SDK1: variants seen among roughly 807,000 people sequenced by gnomAD.
The protein encoded by SDK1 is protein sidekick-1.
A neutral mutation model predicts 245.5 loss-of-function variants in SDK1; 157 were observed. That is an observed-to-expected ratio of 0.64 (90% CI 0.56 to 0.73). The LOEUF (loss-of-function observed/expected upper bound fraction) is 0.73. Ranked by LOEUF, SDK1 falls within the 30% of genes least tolerant of loss-of-function variation. The pLI is 0.00. For missense variants in SDK1, 3,583 were observed against 3,002.3 expected, an observed-to-expected ratio of 1.19 and a Z score of -4.52; for synonymous variants, 1,647 against 1,278.5, an observed-to-expected ratio of 1.29 and a Z score of -6.15.
intron 4 of SDK1, among the ~76,000 whole-genome samples, chr7:3,685,357 C>G (rs917782528): frequency 2.6e-5 from 4 of 152,102 alleles, no homozygotes; most frequent in African/African-American, 9.7e-5. Flanking sequence ...AATTTTGCAT[C>G]TGGTAAAAAC....
intron 1 of SDK1, among the ~76,000 whole-genome samples, chr7:3,449,261 T>C (rs1332017467): frequency 6.6e-6 from 1 of 151,886 alleles, no homozygotes; most frequent in East Asian, 1.9e-4. Flanking sequence ...ACACTTTTAT[T>C]TTGGGCTCAT....
At chr7:3,391,894 G>C (rs565616945) in intron 1 of SDK1, among the ~76,000 whole-genome samples, 78 of 151,742 alleles carry the variant, frequency 5.1e-4, no homozygotes, top group African/African-American at 1.8e-3. Context: ...CTCCCAAAGT[G>C]ATGGGATCAC....
At chr7:4,162,366 GTTGTTA>G (rs1486633147) in intron 32 of SDK1, among the ~76,000 whole-genome samples, 151 of 109,006 alleles carry the variant, frequency 1.4e-3, no homozygotes, top group South Asian at 0.011. Context: ...GGTTGTTGTT[GTTGTTA>G]TTATTATTAT....
chr7:4,153,242 T>C (rs914439649), intron 30 of SDK1, among the ~76,000 whole-genome samples: 1 of 152,130 alleles, frequency 6.6e-6, no homozygotes, highest in Non-Finnish European at 1.5e-5. Context: ...ATTTCTTTTT[T>C]TTTTTTTTCT....
At chr7:3,403,126 G>T (rs947939715) in intron 1 of SDK1, among the ~76,000 whole-genome samples, 1 of 152,054 alleles carries the variant, frequency 6.6e-6, no homozygotes, top group Non-Finnish European at 1.5e-5. Flanking sequence ...TAGAAACAGG[G>T]TTTCTCCGTG....
intron 4 of SDK1, among the ~76,000 whole-genome samples, chr7:3,660,953 A>G (rs1783335535): frequency 6.6e-6 from 1 of 152,252 alleles, no homozygotes; most frequent in Non-Finnish European, 1.5e-5. Flanking sequence ...CAGGGTCTGT[A>G]GTTTAATGAG....
At chr7:3,919,117 A>G (rs1010621336) in intron 5 of SDK1, among the ~76,000 whole-genome samples, 15 of 152,208 alleles carry the variant, frequency 9.9e-5, no homozygotes, top group African/African-American at 2.9e-4. Flanking sequence ...CACATAATCT[A>G]TCTCAGCTGC....
At chr7:3,926,834 C>G (rs923839574) in intron 5 of SDK1, among the ~76,000 whole-genome samples, 2 of 152,232 alleles carry the variant, frequency 1.3e-5, no homozygotes, top group African/African-American at 2.4e-5. Flanking sequence ...CTGTGTGACC[C>G]AGGCCACATC....
intron 43 of SDK1, among the ~76,000 whole-genome samples, chr7:4,245,239 C>T (rs919430388): frequency 3.3e-5 from 5 of 152,180 alleles, no homozygotes; most frequent in African/African-American, 1.2e-4. Flanking sequence ...AATTCCCTCT[C>T]ATCTGTAGGA....
intron 5 of SDK1, among the ~76,000 whole-genome samples, chr7:3,828,680 A>C (rs1253821636): frequency 7.7e-6 from 1 of 129,640 alleles, no homozygotes; most frequent in African/African-American, 3.0e-5. Flanking sequence ...TTTTGACACA[A>C]GGACTCTGTC....
chr7:4,216,332 C>T (rs2128230026), intron 38 of SDK1, among the ~76,000 whole-genome samples: 1 of 152,318 alleles, frequency 6.6e-6, no homozygotes, highest in African/African-American at 2.4e-5. Context: ...CACCTCCACA[C>T]CCAGACTGGC....
intron 21 of SDK1, among the ~76,000 whole-genome samples, chr7:4,077,803 C>T (rs920021782): frequency 2.0e-5 from 3 of 152,196 alleles, no homozygotes; most frequent in African/African-American, 7.2e-5. Flanking sequence ...TACCTCCCAC[C>T]AGGTTCCTCT....
chr7:4,136,985 G>A (rs953776208), intron 28 of SDK1, among the ~76,000 whole-genome samples: 3 of 152,312 alleles, frequency 2.0e-5, no homozygotes, highest in Admixed American at 2.0e-4. Flanking sequence ...TGACCCACTT[G>A]CCCACCAACA....
At chr7:3,982,490 C>G (rs114279024) in intron 13 of SDK1, among the ~76,000 whole-genome samples, 3,011 of 152,248 alleles carry the variant, frequency 0.02, 123 homozygotes, top group African/African-American at 0.07. Flanking sequence ...TCTGATGGAT[C>G]TGGGCAAAGT....
At chr7:3,997,106 C>T (rs766663240) in intron 14 of SDK1, among the ~76,000 whole-genome samples, 2 of 152,200 alleles carry the variant, frequency 1.3e-5, no homozygotes, top group African/African-American at 4.8e-5. Context: ...CTTCTTCTGA[C>T]TTCTGTCACC....
At chr7:3,969,151 G>A (rs1782294458) in intron 10 of SDK1, 106 bp from the exon 11 acceptor site, 2 of 1,022,466 alleles carry the variant, frequency 2.0e-6, no homozygotes, top group Admixed American at 2.7e-5. Flanking sequence ...GACTTGGGTG[G>A]GGACACGGAG....
intron 4 of SDK1, among the ~76,000 whole-genome samples, chr7:3,688,505 A>T (rs889675529): frequency 6.6e-6 from 1 of 152,260 alleles, no homozygotes; most frequent in Non-Finnish European, 1.5e-5. Context: ...TAAATGCTCT[A>T]CAAATGCCAG....
chr7:3,694,175 G>A (rs545904421), intron 4 of SDK1, among the ~76,000 whole-genome samples: 1 of 152,296 alleles, frequency 6.6e-6, no homozygotes, highest in Non-Finnish European at 1.5e-5. Context: ...CTTTGCCTCA[G>A]TCTCCAAACT....
chr7:3,572,998 C>G (rs952355874), intron 1 of SDK1, among the ~76,000 whole-genome samples: 2 of 151,978 alleles, frequency 1.3e-5, no homozygotes, highest in African/African-American at 4.8e-5. Context: ...GGGGTGACCA[C>G]CCAAAAGTGA....
Sources: gnomAD v4.1 joint callset for allele counts (sites outside exome capture counted in the v4.1 genomes callset) on GRCh38, gnomAD v4.1.1 for gene constraint, MANE v1.5 for transcripts, NCBI Gene and HGNC (gene_info 2026-07-23, HGNC 2026-07-21) for gene names.